CENPW: variants seen among roughly 807,000 people sequenced by gnomAD.
The protein encoded by CENPW is centromere protein W.
CENPW carries 3 observed loss-of-function variants against 11.1 expected under a neutral mutation model. The observed-to-expected ratio is 0.27, with a 90% CI of 0.12 to 0.70. The LOEUF is 0.70. Ranked by LOEUF, CENPW falls within the 30% of genes least tolerant of loss-of-function variation. CENPW has a pLI of 0.77. For missense variants in CENPW, 100 were observed against 105.6 expected (o/e 0.95, Z 0.23); for synonymous variants, 38 against 42.0 (o/e 0.91, Z 0.37).
chr6:126,437,642 C>T, the CENPW span, among the ~76,000 whole-genome samples: 1 of 151,748 alleles, frequency 6.6e-6, no homozygotes, highest in African/African-American at 2.4e-5. Context: ...TTAATGTTTC[C>T]AAGAATCAAA....
At chr6:126,428,298 T>A in the CENPW span, among the ~76,000 whole-genome samples, 1 of 152,200 alleles carries the variant, frequency 6.6e-6, no homozygotes, top group Non-Finnish European at 1.5e-5. Context: ...AATGCAGAAG[T>A]GTTTAAATAT....
the CENPW span, among the ~76,000 whole-genome samples, chr6:126,483,246 A>AT: frequency 1.3e-5 from 2 of 151,674 alleles, no homozygotes; most frequent in Non-Finnish European, 3.0e-5. Context: ...GAAAATTTAT[A>AT]TTTTTTTCTG....
the CENPW span, among the ~76,000 whole-genome samples, chr6:126,425,845 C>A: frequency 2.0e-5 from 3 of 150,118 alleles, no homozygotes; most frequent in African/African-American, 7.3e-5. Flanking sequence ...AGACAAAGTT[C>A]ATCTCTAAGG....
chr6:126,385,784 C>T, the CENPW span, among the ~76,000 whole-genome samples: 15 of 152,226 alleles, frequency 9.9e-5, no homozygotes, highest in East Asian at 1.7e-3. Flanking sequence ...GCTTCCCCTT[C>T]GCTTTCTGCC....
At chr6:126,455,862 AC>A in the CENPW span, among the ~76,000 whole-genome samples, 2 of 151,342 alleles carry the variant, frequency 1.3e-5, no homozygotes, top group African/African-American at 4.8e-5. Flanking sequence ...ATTAAAAAAA[AC>A]TTCAGCAAAG....
chr6:126,356,910 T>C, the CENPW span, among the ~76,000 whole-genome samples: 1 of 152,340 alleles, frequency 6.6e-6, no homozygotes, highest in Admixed American at 6.5e-5. Context: ...ACTCTGTTTA[T>C]AGTTTATTTG....
chr6:126,408,793 C>A, the CENPW span, among the ~76,000 whole-genome samples: 1 of 151,792 alleles, frequency 6.6e-6, no homozygotes, highest in African/African-American at 2.4e-5. Flanking sequence ...CTCTAATAAT[C>A]CTTTGTATTT....
the CENPW span, among the ~76,000 whole-genome samples, chr6:126,375,621 G>C: frequency 6.6e-6 from 1 of 151,910 alleles, no homozygotes; most frequent in Non-Finnish European, 1.5e-5. Context: ...GGCTGGTGAG[G>C]GCCTGTCTTG....
At chr6:126,434,598 C>T in the CENPW span, among the ~76,000 whole-genome samples, 6 of 151,900 alleles carry the variant, frequency 3.9e-5, no homozygotes, top group African/African-American at 9.7e-5. Context: ...ATGAAAACTA[C>T]GTTACAAATT....
chr6:126,465,086 A>T, the CENPW span, among the ~76,000 whole-genome samples: 1 of 152,124 alleles, frequency 6.6e-6, no homozygotes, highest in East Asian at 1.9e-4. Context: ...TTGTTCACAA[A>T]GGATATGATC....
At chr6:126,375,410 C>T in the CENPW span, among the ~76,000 whole-genome samples, 1 of 152,070 alleles carries the variant, frequency 6.6e-6, no homozygotes, top group East Asian at 1.9e-4. Context: ...ATTTTAGATT[C>T]TGTGTTGAAA....
chr6:126,382,194 A>G, the CENPW span, among the ~76,000 whole-genome samples: 1 of 152,024 alleles, frequency 6.6e-6, no homozygotes, highest in Admixed American at 6.6e-5. Flanking sequence ...CCGAGATCGC[A>G]CCATTGCACT....
At chr6:126,386,723 C>G in the CENPW span, among the ~76,000 whole-genome samples, 5 of 151,874 alleles carry the variant, frequency 3.3e-5, no homozygotes, top group Non-Finnish European at 7.4e-5. Flanking sequence ...CTCCACTGCC[C>G]TACAAGTTAG....
At chr6:126,426,962 A>T in the CENPW span, among the ~76,000 whole-genome samples, 1 of 152,272 alleles carries the variant, frequency 6.6e-6, no homozygotes, top group East Asian at 1.9e-4. Context: ...ACAGTAGATA[A>T]TCCTTATATA....
At chr6:126,408,704 T>C in the CENPW span, among the ~76,000 whole-genome samples, 3 of 152,220 alleles carry the variant, frequency 2.0e-5, no homozygotes, top group African/African-American at 4.8e-5. Flanking sequence ...TGGTTCAATA[T>C]TGTTAGGTTG....
At chr6:126,477,954 C>T in the CENPW span, among the ~76,000 whole-genome samples, 6 of 152,094 alleles carry the variant, frequency 3.9e-5, no homozygotes, top group African/African-American at 1.2e-4. Flanking sequence ...GAACAGTGAT[C>T]ATTAATTGCT....
chr6:126,449,971 GTATT>G, the CENPW span, among the ~76,000 whole-genome samples: 2 of 150,926 alleles, frequency 1.3e-5, no homozygotes, highest in Admixed American at 6.6e-5. Flanking sequence ...CAAGCACATT[GTATT>G]TGAAATTTCC....
At chr6:126,405,265 T>C in the CENPW span, among the ~76,000 whole-genome samples, 2 of 152,166 alleles carry the variant, frequency 1.3e-5, no homozygotes, top group South Asian at 4.1e-4. Context: ...TATCCTTTTC[T>C]CAATGTATTA....
chr6:126,460,431 C>T, the CENPW span, among the ~76,000 whole-genome samples: 1 of 151,670 alleles, frequency 6.6e-6, no homozygotes. Context: ...AATTGCTTTC[C>T]TGTGTAATGC....
Sources: gnomAD v4.1 joint callset for allele counts (sites outside exome capture counted in the v4.1 genomes callset) on GRCh38, gnomAD v4.1.1 for gene constraint, MANE v1.5 for transcripts, NCBI Gene and HGNC (gene_info 2026-07-23, HGNC 2026-07-21) for gene names.